FANCL: variants seen among roughly 807,000 people sequenced by gnomAD.
FANCL encodes E3 ubiquitin-protein ligase FANCL.
FANCL carries 69 observed loss-of-function variants against 59.4 expected under a neutral mutation model. The observed-to-expected ratio is 1.16, with a 90% CI of 0.96 to 1.42. FANCL has a LOEUF of 1.42. Among genes scored for constraint, FANCL ranks in the 40% most tolerant of loss-of-function variants. The pLI, the probability that FANCL is intolerant of heterozygous loss-of-function variation, is 0.00. For missense variants in FANCL, 519 were observed against 447.2 expected, an observed-to-expected ratio of 1.16 and a Z score of -1.45; for synonymous variants, 180 against 147.1, an observed-to-expected ratio of 1.22 and a Z score of -1.62.
chr2:58,233,550 A>T (rs1693761395), intron 1 of FANCL, among the ~76,000 whole-genome samples: 2 of 152,042 alleles, frequency 1.3e-5, no homozygotes. Context: ...AAATAAAACC[A>T]CAAAAATCCC....
chr2:58,179,666 T>C (rs552049568), intron 7 of FANCL, among the ~76,000 whole-genome samples: 4 of 152,258 alleles, frequency 2.6e-5, no homozygotes, highest in East Asian at 3.9e-4. Context: ...ATTCAGTACA[T>C]TGGCATGGGC....
At chr2:58,169,169 T>G (rs926102247) in intron 7 of FANCL, among the ~76,000 whole-genome samples, 3 of 152,296 alleles carry the variant, frequency 2.0e-5, no homozygotes, top group Admixed American at 1.3e-4. Flanking sequence ...AGCTGGCATC[T>G]GGAGGATGGC....
At chr2:58,162,201 C>G (rs1685289196) in intron 11 of FANCL, among the ~76,000 whole-genome samples, 1 of 151,898 alleles carries the variant, frequency 6.6e-6, no homozygotes, top group Non-Finnish European at 1.5e-5. Context: ...TAGTCTACAA[C>G]CTTAGCAGCC....
intron 5 of FANCL, among the ~76,000 whole-genome samples, chr2:58,220,066 A>G (rs186903922): frequency 1.4e-3 from 212 of 151,874 alleles, no homozygotes; most frequent in Non-Finnish European, 2.3e-3. Flanking sequence ...AACATATAAA[A>G]TAAGATTACA....
intron 2 of FANCL, among the ~76,000 whole-genome samples, chr2:58,230,662 T>C (rs562516436): frequency 1.3e-5 from 2 of 152,278 alleles, no homozygotes; most frequent in East Asian, 3.9e-4. Flanking sequence ...ACTCTCTCCA[T>C]TCTTGGTCTT....
intron 7 of FANCL, among the ~76,000 whole-genome samples, chr2:58,187,350 G>C (rs1035296620): frequency 6.9e-6 from 1 of 144,738 alleles, no homozygotes; most frequent in Non-Finnish European, 1.5e-5. Flanking sequence ...TCACTCGTAG[G>C]TGAGAACTGA....
chr2:58,165,640 G>T, intron 8 of FANCL, 84 bp downstream of exon 8: 1 of 1,545,036 alleles, frequency 6.5e-7, no homozygotes, highest in Non-Finnish European at 8.9e-7. Flanking sequence ...AAAGAAGTCT[G>T]AGTCCAACTG....
intron 9 of FANCL, 129 bp from the exon 10 acceptor site, chr2:58,163,203 CA>C: frequency 1.2e-6 from 1 of 832,904 alleles, no homozygotes; most frequent in Non-Finnish European, 1.9e-6. Flanking sequence ...TGTTAAAAAA[CA>C]AAATTATACA....
At chr2:58,168,524 T>C (rs1686197988) in intron 7 of FANCL, among the ~76,000 whole-genome samples, 1 of 152,076 alleles carries the variant, frequency 6.6e-6, no homozygotes, top group South Asian at 2.1e-4. Flanking sequence ...GGGTGGTCAT[T>C]TGGGCAGACA....
At position 58,201,278 on chromosome 2, in the gene FANCL, T is replaced by G. The variant is rs190713415; in HGVS notation, c.472-2616A>C. On this transcript the variant is annotated intron_variant, in intron 6 of 13. Coordinates refer to ENST00000233741, the MANE Select transcript of FANCL (RefSeq NM_018062.4). Reference sequence around the variant, plus strand: ...ACAACAACAAAAGCTCCATATCATATAGGAATATTAACTGAAAAATAAGTA... The same window carrying G: ...ACAACAACAAAAGCTCCATATCATAGAGGAATATTAACTGAAAAATAAGTA... Among the ~76,000 whole-genome samples, 843 of 151,812 alleles carry G rather than the reference T, an allele frequency of 5.6e-3. 3 individuals carry two copies. Among genetic ancestry groups the G allele is most frequent in the African/African-American group, 0.019 (801 of 41,466 alleles).
rs751258176 is a variant in FANCL, at chr2:58,159,633, T to C, written c.*132A>G. ...AAGAGACAAACGCAGATGTTTATTA[T>C]TATCGCATCATCATACCTGTCCTTT... On this transcript the variant is annotated 3_prime_UTR_variant, in exon 14 of 14. Coordinates refer to ENST00000233741, the MANE Select transcript of FANCL (RefSeq NM_018062.4). The C allele has an allele frequency of 1.2e-5, 19 of 1,613,686 alleles. No individual in the cohort carries two copies. Among genetic ancestry groups the C allele is most frequent in the Non-Finnish European group, 1.5e-5 (18 of 1,179,804 alleles).
At chr2:58,214,634 C>T (rs560923151) in intron 5 of FANCL, among the ~76,000 whole-genome samples, 5 of 152,088 alleles carry the variant, frequency 3.3e-5, no homozygotes, top group South Asian at 2.1e-4. Context: ...CTCAGCCTCC[C>T]GAGAAGCTAG....
In FANCL at chr2:58,198,500, G is replaced by A. The variant is rs1049802178; in HGVS notation, c.540+94C>T. 3.5e-5 allele frequency: 36 copies of A among 1,035,862 alleles called. No homozygotes were observed. The African/African-American group carries it at 5.8e-4, about 17-fold the overall frequency. The allele number at this position is 1,035,862 out of a possible 1,614,324, so 64.2% of individuals were successfully genotyped here. Reference sequence around the variant, plus strand: ...TGCATGGATTTTGGTATTTACAGAGGGCCCAAGAAATAATCCCCCCATGGA... The same window carrying A: ...TGCATGGATTTTGGTATTTACAGAGAGCCCAAGAAATAATCCCCCCATGGA... On this transcript the variant is annotated intron_variant, in intron 7 of 13. Coordinates refer to ENST00000233741, the MANE Select transcript of FANCL (RefSeq NM_018062.4).
intron 5 of FANCL, among the ~76,000 whole-genome samples, chr2:58,218,355 T>C (rs1336760103): frequency 6.6e-6 from 1 of 151,700 alleles, no homozygotes; most frequent in Non-Finnish European, 1.5e-5. Context: ...ACGCTAAAAG[T>C]TGGGTCTTTG....
intron 7 of FANCL, chr2:58,194,088 C>A (rs1463117190): frequency 1.0e-5 from 4 of 395,826 alleles, no homozygotes; most frequent in African/African-American, 2.1e-5. Context: ...TTCTTGCATT[C>A]ATGGCATTAT....
At chr2:58,204,262 G>A (rs752884189) in intron 5 of FANCL, 36 bp from the exon 6 acceptor site, 103 of 1,469,084 alleles carry the variant, frequency 7.0e-5, no homozygotes, top group Admixed American at 5.0e-4. Context: ...TGATCACACC[G>A]GGGAGAGCTG....
intron 11 of FANCL, among the ~76,000 whole-genome samples, chr2:58,162,042 G>T (rs1685264027): frequency 6.6e-6 from 1 of 151,788 alleles, no homozygotes; most frequent in Non-Finnish European, 1.5e-5. Flanking sequence ...TTTTTGGCTG[G>T]CAAGATGTTT....
chr2:58,188,900 T>C (rs1014382202), intron 7 of FANCL, among the ~76,000 whole-genome samples: 1 of 152,056 alleles, frequency 6.6e-6, no homozygotes, highest in Non-Finnish European at 1.5e-5. Context: ...ATGGCCAATA[T>C]GTGGCACATC....
At chr2:58,177,213 G>A (rs1337577105) in intron 7 of FANCL, among the ~76,000 whole-genome samples, 3 of 152,182 alleles carry the variant, frequency 2.0e-5, no homozygotes, top group Non-Finnish European at 4.4e-5. Flanking sequence ...CCTTGTGGAA[G>A]TCAGTGTGGC....
Sources: allele counts gnomAD v4.1 joint callset (sites outside exome capture counted in the v4.1 genomes callset), GRCh38; gene constraint gnomAD v4.1.1; transcripts MANE v1.5; gene names NCBI Gene and HGNC (gene_info 2026-07-23, HGNC 2026-07-21).